Variants in ST6GALNAC3 observed in about 807,000 individuals in gnomAD.
ST6GALNAC3 encodes the protein ST6 N-acetylgalactosaminide alpha-2,6-sialyltransferase 3.
A neutral mutation model predicts 32.7 loss-of-function variants in ST6GALNAC3; 25 were observed. That is an observed-to-expected ratio of 0.76 (90% confidence interval 0.56 to 1.07). The LOEUF (loss-of-function observed/expected upper bound fraction) is 1.07. Among genes scored for constraint, ST6GALNAC3 ranks in the 50% least tolerant of loss-of-function variants. ST6GALNAC3 has a pLI of 0.00. For missense variants in ST6GALNAC3, 355 were observed against 382.4 expected (o/e 0.93, Z 0.60); for synonymous variants, 129 against 133.1 (o/e 0.97, Z 0.21).
intron 3 of ST6GALNAC3, among the ~76,000 whole-genome samples, chr1:76,608,739 C>T (rs1327179673): frequency 1.3e-5 from 2 of 150,912 alleles, no homozygotes; most frequent in African/African-American, 2.4e-5. Flanking sequence ...CTTTGAATTC[C>T]GTTTATGTTA....
intron 1 of ST6GALNAC3, among the ~76,000 whole-genome samples, chr1:76,131,399 C>G (rs972102371): frequency 6.6e-6 from 1 of 152,278 alleles, no homozygotes; most frequent in African/African-American, 2.4e-5. Flanking sequence ...GAAGGGACCC[C>G]TGAGGGAAGA....
At chr1:76,597,729 A>G (rs315046) in intron 3 of ST6GALNAC3, among the ~76,000 whole-genome samples, 25,936 of 151,992 alleles carry the variant, frequency 0.17, 3,088 homozygotes, top group African/African-American at 0.34. Flanking sequence ...CTAAGTAGAG[A>G]GCTTCTGTTT....
intron 3 of ST6GALNAC3, among the ~76,000 whole-genome samples, chr1:76,432,443 CTTTTTTTTTTTTTTTTTT>C (rs35527607): frequency 3.5e-5 from 2 of 57,150 alleles, no homozygotes; most frequent in Admixed American, 2.5e-4. Context: ...CCTTTATTGC[CTTTTTTTTTTTTTTTTTT>C]TTTTTTTTTT....
At chr1:76,505,400 G>A (rs1296558131) in intron 3 of ST6GALNAC3, among the ~76,000 whole-genome samples, 1 of 152,142 alleles carries the variant, frequency 6.6e-6, no homozygotes, top group Non-Finnish European at 1.5e-5. Context: ...GGGATTACAG[G>A]CATGAGCCAC....
chr1:76,476,351 A>G (rs565421118), intron 3 of ST6GALNAC3, among the ~76,000 whole-genome samples: 49 of 152,242 alleles, frequency 3.2e-4, no homozygotes, highest in African/African-American at 1.1e-3. Flanking sequence ...CCTAGCTCAT[A>G]CAAAAACAGG....
intron 2 of ST6GALNAC3, among the ~76,000 whole-genome samples, chr1:76,377,834 CAT>C (rs1463281415): frequency 6.6e-6 from 1 of 152,156 alleles, no homozygotes; most frequent in Non-Finnish European, 1.5e-5. Context: ...ATGTCTGACA[CAT>C]AGACAAACTC....
intron 3 of ST6GALNAC3, among the ~76,000 whole-genome samples, chr1:76,417,724 G>A (rs1266104513): frequency 3.9e-5 from 6 of 152,126 alleles, no homozygotes; most frequent in Admixed American, 2.0e-4. Context: ...AATTGAGAAA[G>A]CGATAGTCCC....
intron 1 of ST6GALNAC3, among the ~76,000 whole-genome samples, chr1:76,293,741 C>CT (rs1371798722): frequency 6.6e-6 from 1 of 152,050 alleles, no homozygotes; most frequent in Admixed American, 6.6e-5. Flanking sequence ...AAGTGGTGGC[C>CT]TTTTTTATCT....
intron 2 of ST6GALNAC3, among the ~76,000 whole-genome samples, chr1:76,386,109 G>A (rs1005826825): frequency 1.3e-5 from 2 of 151,770 alleles, no homozygotes; most frequent in East Asian, 3.9e-4. Flanking sequence ...AGATATGTAA[G>A]CAACCTGGAC....
intron 3 of ST6GALNAC3, among the ~76,000 whole-genome samples, chr1:76,570,664 T>C (rs1182196328): frequency 6.6e-6 from 1 of 152,008 alleles, no homozygotes; most frequent in Non-Finnish European, 1.5e-5. Context: ...TATGCGTGCT[T>C]TTATTGTGTT....
chr1:76,344,124 T>G (rs1301460009), intron 2 of ST6GALNAC3, among the ~76,000 whole-genome samples: 2 of 152,224 alleles, frequency 1.3e-5, no homozygotes, highest in African/African-American at 4.8e-5. Context: ...ACAAACATGA[T>G]ATTCTGCTAG....
At chr1:76,407,005 T>C (rs879808256) in intron 2 of ST6GALNAC3, among the ~76,000 whole-genome samples, 7 of 151,996 alleles carry the variant, frequency 4.6e-5, no homozygotes, top group Admixed American at 1.3e-4. Context: ...TACACTATAC[T>C]TATAGGTCTC....
intron 1 of ST6GALNAC3, among the ~76,000 whole-genome samples, chr1:76,239,238 C>T (rs1656832590): frequency 6.6e-6 from 1 of 152,040 alleles, no homozygotes. Flanking sequence ...TCTTCTAACA[C>T]CCTAGTTTTT....
rs143523937 is a variant in ST6GALNAC3, at chr1:76,380,662, C to G, written c.214-31346C>G. On this transcript the variant is annotated intron_variant, in intron 2 of 4. Transcript: ENST00000328299. Reference sequence around the variant, plus strand: ...GAGAAAGAATGAAATGTGGATGCGTCTCACAAAGATAATAACAGAAAAAAA... The same window carrying G: ...GAGAAAGAATGAAATGTGGATGCGTGTCACAAAGATAATAACAGAAAAAAA... Among the ~76,000 whole-genome samples, 642 of 152,184 alleles carry G rather than the reference C, an allele frequency of 4.2e-3. 5 individuals carry two copies. Among genetic ancestry groups the G allele is most frequent in the Middle Eastern group, 0.034 (10 of 294 alleles).
At chr1:76,308,325 C>A (rs530965824) in intron 1 of ST6GALNAC3, among the ~76,000 whole-genome samples, 9 of 152,054 alleles carry the variant, frequency 5.9e-5, no homozygotes, top group Non-Finnish European at 1.3e-4. Context: ...GTACTGTGTT[C>A]TGCATTTTCC....
At chr1:76,219,008 A>G (rs1392613711) in intron 1 of ST6GALNAC3, among the ~76,000 whole-genome samples, 1 of 152,242 alleles carries the variant, frequency 6.6e-6, no homozygotes, top group Admixed American at 6.5e-5. Context: ...GGCTAAGGAA[A>G]CTGCCTTGAG....
chr1:76,250,075 T>A (rs968989246), intron 1 of ST6GALNAC3, among the ~76,000 whole-genome samples: 3 of 152,230 alleles, frequency 2.0e-5, no homozygotes, highest in African/African-American at 7.2e-5. Context: ...CTTGATGGTA[T>A]CTTTTGAAGC....
Position 76,187,976 on chromosome 1 carries a change from G to A in ST6GALNAC3, c.18+113092G>A, listed in dbSNP as rs983547999. 2.0e-5 allele frequency among the ~76,000 whole-genome samples: 3 copies of A among 152,050 alleles called. No individual in the cohort carries two copies. In the South Asian group the frequency reaches 6.2e-4, roughly 32 times the overall value. ...CCAGAAAATCTCTCTGAGACTCAAC[G>A]CTTAGGTAATGTGGAACTCAGAACC... On this transcript the variant is annotated intron_variant, in intron 1 of 4. Transcript: ENST00000328299.
At chr1:76,595,300 A>T (rs1189662051) in intron 3 of ST6GALNAC3, among the ~76,000 whole-genome samples, 1 of 152,144 alleles carries the variant, frequency 6.6e-6, no homozygotes, top group Non-Finnish European at 1.5e-5. Context: ...CCTGGTTAAC[A>T]TAAGTAAACA....
Sources: gnomAD v4.1 joint callset for allele counts (sites outside exome capture counted in the v4.1 genomes callset) on GRCh38, gnomAD v4.1.1 for gene constraint, MANE v1.5 for transcripts, NCBI Gene and HGNC (gene_info 2026-07-23, HGNC 2026-07-21) for gene names.